Variants in CMC1 observed in about 807,000 individuals in gnomAD.
CMC1 encodes COX assembly mitochondrial protein homolog.
A neutral mutation model predicts 14.1 loss-of-function variants in CMC1; 14 were observed. That is an observed-to-expected ratio of 0.99 (90% CI 0.66 to 1.55). The LOEUF (loss-of-function observed/expected upper bound fraction) is 1.55. Among genes scored for constraint, CMC1 ranks in the 40% most tolerant of loss-of-function variants. The pLI is 0.00. For synonymous variants in CMC1, 50 were observed against 38.4 expected, an observed-to-expected ratio of 1.30 and a Z score of -1.12; for missense variants, 127 against 123.8, an observed-to-expected ratio of 1.03 and a Z score of -0.12.
intron 2 of CMC1, among the ~76,000 whole-genome samples, chr3:28,278,483 A>G (rs762954157): frequency 7.2e-5 from 11 of 152,156 alleles, no homozygotes; most frequent in African/African-American, 7.2e-5. Flanking sequence ...TGCAGGTTCT[A>G]TTTTCTGTTA....
chr3:28,274,204 GT>G (rs1325914950), intron 2 of CMC1, among the ~76,000 whole-genome samples: 6 of 79,288 alleles, frequency 7.6e-5, no homozygotes. Flanking sequence ...TTGTACTAAA[GT>G]GTTTTTGTTT....
chr3:28,324,579 C>G lies in CMC1; in HGVS notation c.*4950C>G, dbSNP rs1314275006. The stretch of plus-strand genomic sequence containing the variant: ...ATTAAGATTTCCAAGTTAGTGTGAT[C>G]ATTGAGGCACTGTGACTAGGAGATA... On this transcript the variant is annotated 3_prime_UTR_variant, in exon 4 of 4. Transcript: ENST00000466830. 4.9e-6 allele frequency: 4 copies of G among 818,744 alleles called. No homozygotes were observed. Among genetic ancestry groups the G allele is most frequent in the Non-Finnish European group, 6.9e-6 (4 of 581,796 alleles). 50.7% of individuals were successfully genotyped at this position (818,744 alleles called of 1,614,324 possible). A position where few individuals can be genotyped will look rare whatever the true frequency, so the allele number is the denominator to read the frequency against.
chr3:28,294,808 T>C (rs1274663301), intron 2 of CMC1, among the ~76,000 whole-genome samples: 3 of 152,136 alleles, frequency 2.0e-5, no homozygotes, highest in Non-Finnish European at 4.4e-5. Flanking sequence ...TGCATTTTGA[T>C]ATGACTCCTT....
chr3:28,295,716 A>G (rs1490531251), intron 2 of CMC1, among the ~76,000 whole-genome samples: 1 of 152,164 alleles, frequency 6.6e-6, no homozygotes. Context: ...TAAATATTTA[A>G]CAAAAGAATG....
At chr3:28,268,767 G>A (rs1700129347) in intron 2 of CMC1, among the ~76,000 whole-genome samples, 1 of 152,150 alleles carries the variant, frequency 6.6e-6, no homozygotes, top group Non-Finnish European at 1.5e-5. Context: ...ATTTGTGTAT[G>A]CCTATCATGC....
intron 2 of CMC1, among the ~76,000 whole-genome samples, chr3:28,274,131 C>A (rs1336434017): frequency 1.1e-3 from 166 of 150,442 alleles, no homozygotes; most frequent in Middle Eastern, 6.9e-3. Flanking sequence ...GTCCTGCCAT[C>A]ATGATGCTAA....
chr3:28,301,615 C>T (rs1301732712), intron 2 of CMC1, among the ~76,000 whole-genome samples: 2 of 150,318 alleles, frequency 1.3e-5, no homozygotes, highest in East Asian at 3.9e-4. Context: ...AATTTACTGT[C>T]CTTATGGATG....
At chr3:28,281,224 T>C (rs571000968) in intron 2 of CMC1, among the ~76,000 whole-genome samples, 1 of 152,172 alleles carries the variant, frequency 6.6e-6, no homozygotes, top group East Asian at 1.9e-4. Context: ...TGCATTCTTA[T>C]TGAGTTTAAG....
chr3:28,295,883 T>C lies in CMC1; in HGVS notation c.110-20450T>C, dbSNP rs532586521. On this transcript the variant is annotated intron_variant, in intron 2 of 3. Transcript: ENST00000466830. ...ACCCACAGATAAGGAATGGTATTTA[T>C]TGGGGGGGAAAAACCCATGTATAAG... Among the ~76,000 whole-genome samples the C allele has an allele frequency of 1.8e-4, 28 of 152,154 alleles. 1 individual carries two copies. Among genetic ancestry groups the C allele is most frequent in the Middle Eastern group, 3.4e-3 (1 of 294 alleles).
In CMC1 at chr3:28,290,296, CTT is replaced by C. The variant is rs369063597; in HGVS notation, c.110-26035_110-26034del. Among the ~76,000 whole-genome samples, 269 of 152,026 alleles carry C rather than the reference CTT, an allele frequency of 1.8e-3. 1 individual carries two copies. Among genetic ancestry groups the C allele is most frequent in the African/African-American group, 6.3e-3 (260 of 41,424 alleles). ...TGCCAATAGTTAATTTAATAAGAGTCTTTGGGTTCTAGAATCCTTGATATCTT... is the reference window on the plus strand; with the variant it reads ...TGCCAATAGTTAATTTAATAAGAGTCTGGGTTCTAGAATCCTTGATATCTT... On this transcript the variant is annotated intron_variant, in intron 2 of 3. Transcript: ENST00000466830.
chr3:28,246,788 G>T (rs1042285355), intron 1 of CMC1, among the ~76,000 whole-genome samples: 1 of 150,718 alleles, frequency 6.6e-6, no homozygotes, highest in African/African-American at 2.5e-5. Flanking sequence ...CTTTGATTTG[G>T]GGTCCATTGA....
In CMC1 at chr3:28,319,929, C is replaced by A; in HGVS notation, c.*300C>A. 5.4e-6 allele frequency: 1 copy of A among 185,812 alleles called. No individual in the cohort carries two copies. Among genetic ancestry groups the A allele is most frequent in the Non-Finnish European group, 1.1e-5 (1 of 90,690 alleles). 11.5% of individuals were successfully genotyped at this position (185,812 alleles called of 1,614,324 possible). A position where few individuals can be genotyped will look rare whatever the true frequency, so the allele number is the denominator to read the frequency against. Reference sequence around the variant, plus strand: ...ATATGGTCCTTATATTATTTTTTTCCAGTGTATATGCTAATGGCTAATCAT... The same window carrying A: ...ATATGGTCCTTATATTATTTTTTTCAAGTGTATATGCTAATGGCTAATCAT... On this transcript the variant is annotated 3_prime_UTR_variant, in exon 4 of 4. Coordinates refer to ENST00000466830, the MANE Select transcript of CMC1 (RefSeq NM_182523.2).
chr3:28,249,858 A>G (rs1699037656), intron 1 of CMC1, among the ~76,000 whole-genome samples: 1 of 152,182 alleles, frequency 6.6e-6, no homozygotes, highest in Admixed American at 6.5e-5. Context: ...CCAAGATTCA[A>G]GGAGATCTGG....
At chr3:28,310,009 A>G (rs1702558435) in intron 2 of CMC1, among the ~76,000 whole-genome samples, 1 of 150,882 alleles carries the variant, frequency 6.6e-6, no homozygotes, top group Non-Finnish European at 1.5e-5. Context: ...CAAATGTACA[A>G]ACCATTCTGA....
At chr3:28,310,032 A>G (rs1702560174) in intron 2 of CMC1, among the ~76,000 whole-genome samples, 1 of 151,368 alleles carries the variant, frequency 6.6e-6, no homozygotes, top group Non-Finnish European at 1.5e-5. Context: ...TATTCTCTGT[A>G]ATATGTCCTG....
intron 2 of CMC1, among the ~76,000 whole-genome samples, chr3:28,288,054 A>G (rs1042200265): frequency 6.6e-6 from 1 of 152,078 alleles, no homozygotes; most frequent in Non-Finnish European, 1.5e-5. Context: ...TGGATACCAC[A>G]TACGACAATG....
intron 2 of CMC1, among the ~76,000 whole-genome samples, chr3:28,280,694 T>A (rs1003592630): frequency 4.6e-5 from 7 of 152,228 alleles, no homozygotes; most frequent in African/African-American, 1.7e-4. Context: ...CATAGCATCA[T>A]ATATAATATG....
intron 2 of CMC1, 167 bp from the exon 3 acceptor site, chr3:28,316,166 A>G: frequency 2.2e-6 from 1 of 445,474 alleles, no homozygotes; most frequent in Non-Finnish European, 4.0e-6. Flanking sequence ...GCCAAGCACA[A>G]TGTACATAAT....
intron 2 of CMC1, chr3:28,315,296 C>A (rs1702841073): frequency 6.6e-6 from 1 of 152,234 alleles, no homozygotes; most frequent in African/African-American, 2.4e-5. Context: ...AGGTACCAGG[C>A]TTTTCTGGGT....
Sources: gnomAD v4.1 joint callset for allele counts (sites outside exome capture counted in the v4.1 genomes callset) on GRCh38, gnomAD v4.1.1 for gene constraint, MANE v1.5 for transcripts, NCBI Gene and HGNC (gene_info 2026-07-23, HGNC 2026-07-21) for gene names.